The following KCNQ1 variants were observed in gnomAD, a reference collection of about 807,000 sequenced individuals.
KCNQ1 encodes the protein potassium voltage-gated channel subfamily Q member 1.
Under a neutral mutation model 72.4 loss-of-function variants are expected in KCNQ1, and 49 were observed. That is an observed-to-expected ratio of 0.68 (90% CI 0.54 to 0.86). The LOEUF (loss-of-function observed/expected upper bound fraction) is 0.86, where lower values mean the gene tolerates loss of function less well. Among genes scored for constraint, KCNQ1 ranks in the 40% least tolerant of loss-of-function variants. The pLI is 0.00. For missense variants in KCNQ1, 790 were observed against 945.1 expected (o/e 0.84, Z 2.15); for synonymous variants, 450 against 412.6 (o/e 1.09, Z -1.10).
In KCNQ1 at chr11:2,588,057, G is replaced by GGTGGGAGGGGAGCAGCAGGGGAGGGAGGT. The variant is rs1848619887; in HGVS notation, c.1251+367_1251+395dup. Among the ~76,000 whole-genome samples, 1 of 152,114 alleles carries GGTGGGAGGGGAGCAGCAGGGGAGGGAGGT rather than the reference G, an allele frequency of 6.6e-6. No individual in the cohort carries two copies. The highest frequency in any genetic ancestry group is 2.4e-5 in the African/African-American group (1 of 41,404). On this transcript the variant is annotated intron_variant, in intron 9 of 15. Coordinates refer to ENST00000155840, the MANE Select transcript of KCNQ1 (RefSeq NM_000218.3). This position sits in a 1 kb window ranked among gnomAD's most constrained non-coding sequence, Gnocchi z 5.6. ...GGGCAGGGGGCCGCGCGCAGTGGGTGGTGGGAGGGGAGCAGCAGGGGAGGG... is the reference window on the plus strand; with the variant it reads ...GGGCAGGGGGCCGCGCGCAGTGGGTGGTGGGAGGGGAGCAGCAGGGGAGGGAGGTGTGGGAGGGGAGCAGCAGGGGAGGG...
chr11:2,823,725 G>C (rs1847785479), intron 15 of KCNQ1, among the ~76,000 whole-genome samples: 1 of 152,232 alleles, frequency 6.6e-6, no homozygotes, highest in Non-Finnish European at 1.5e-5. Flanking sequence ...TGTTGTTAGA[G>C]AAGAGAGCAG....
intron 15 of KCNQ1, among the ~76,000 whole-genome samples, chr11:2,831,794 G>A (rs141307817): frequency 6.6e-6 from 1 of 151,034 alleles, no homozygotes; most frequent in East Asian, 2.0e-4. Context: ...GGAAGGCTAG[G>A]TACAGCGAGG....
intron 13 of KCNQ1, 31 bp downstream of exon 13, chr11:2,776,085 T>C (rs1198719619): frequency 6.5e-7 from 1 of 1,530,392 alleles, no homozygotes; most frequent in East Asian, 2.4e-5. Context: ...GCGGGGAGGG[T>C]GCCCAGGTCC....
In KCNQ1 at chr11:2,803,048, G is replaced by A. The variant is rs1307879596; in HGVS notation, c.1794+25011G>A. Among the ~76,000 whole-genome samples, 2 of 152,220 alleles carry A rather than the reference G, an allele frequency of 1.3e-5. No homozygotes were observed. The highest frequency in any genetic ancestry group is 2.9e-5 in the Non-Finnish European group (2 of 68,034). On this transcript the variant is annotated intron_variant, in intron 15 of 15. Transcript: ENST00000155840. This position sits in a 1 kb window ranked among gnomAD's most constrained non-coding sequence, Gnocchi z 6.4. ...CTCTCAGAGCAGGAGGTGACATGAA[G>A]GGAAGGTGGCAGGATGGGAGTGCCC...
At chr11:2,680,339 T>C (rs192927813) in intron 11 of KCNQ1, 17 of 398,368 alleles carry the variant, frequency 4.3e-5, no homozygotes, top group African/African-American at 2.9e-4. Flanking sequence ...AAAAAGTCTT[T>C]CCAGCCACAA....
At chr11:2,838,071 C>T (rs1203159027) in intron 15 of KCNQ1, among the ~76,000 whole-genome samples, 8 of 152,216 alleles carry the variant, frequency 5.3e-5, no homozygotes, top group African/African-American at 1.2e-4. Context: ...AGAAACGTCC[C>T]GTCCCAAATT....
chr11:2,458,675 G>GGATGGATA lies in KCNQ1; in HGVS notation c.386+13198_386+13199insAGATGGAT, dbSNP rs1554882304. Among the ~76,000 whole-genome samples the GGATGGATA allele has an allele frequency of 1.5e-4, 22 of 144,792 alleles. No individual in the cohort carries two copies. The highest frequency in any genetic ancestry group is 5.6e-4 in the African/African-American group (20 of 35,840). 95.0% of individuals were successfully genotyped at this position (144,792 alleles called of 152,430 possible). ...TGGATGGATGGATGGATGGATGGAT[G>GGATGGATA]GATGGATGGATCGATCGATCTCACC... On this transcript the variant is annotated intron_variant, in intron 1 of 15. Coordinates refer to ENST00000155840, the MANE Select transcript of KCNQ1 (RefSeq NM_000218.3). The surrounding 1 kb of genome is among the most constrained non-coding windows in gnomAD (Gnocchi z 4.6).
At chr11:2,684,898 A>T (rs1351273909) in intron 11 of KCNQ1, 1 of 398,566 alleles carries the variant, frequency 2.5e-6, no homozygotes, top group African/African-American at 2.1e-5. Flanking sequence ...TCACTACATC[A>T]TAAGGTAGGT....
At chr11:2,618,109 A>T (rs1043680861) in intron 10 of KCNQ1, 3 of 398,348 alleles carry the variant, frequency 7.5e-6, no homozygotes, top group Non-Finnish European at 1.3e-5. Context: ...TGCCAGAGCC[A>T]TGTCGAGCTT....
intron 10 of KCNQ1, among the ~76,000 whole-genome samples, chr11:2,596,033 G>A (rs1245270810): frequency 2.0e-5 from 3 of 152,192 alleles, no homozygotes; most frequent in Admixed American, 6.5e-5. Flanking sequence ...CTGATGTTGT[G>A]AAAACTGCAA....
Position 2,627,560 on chromosome 11 carries a change from T to G in KCNQ1, c.1394-34401T>G. The G allele has an allele frequency of 2.5e-6, 1 of 398,614 alleles. No homozygotes were observed. Among genetic ancestry groups the G allele is most frequent in the East Asian group, 3.6e-5 (1 of 28,072 alleles). The allele number at this position is 398,614 out of a possible 1,614,324, so 24.7% of individuals were successfully genotyped here. ...ACTGGGATAGTGCAGTATTTGTCTT[T>G]CTGTGTCTGGCTATTTCACTTAGCA... On this transcript the variant is annotated intron_variant, in intron 10 of 15. Coordinates refer to ENST00000155840, the MANE Select transcript of KCNQ1 (RefSeq NM_000218.3). The surrounding 1 kb of genome is among the most constrained non-coding windows in gnomAD (Gnocchi z 4.9).
intron 10 of KCNQ1, chr11:2,648,137 A>G: frequency 5.2e-6 from 1 of 191,956 alleles, no homozygotes; most frequent in South Asian, 2.2e-4. Flanking sequence ...CCCAGGAAGC[A>G]GAGGTTACAG....
intron 11 of KCNQ1, among the ~76,000 whole-genome samples, chr11:2,718,148 G>A (rs373708642): frequency 1.2e-4 from 18 of 152,226 alleles, no homozygotes; most frequent in South Asian, 4.2e-4. Context: ...CCCTGCCCTC[G>A]GGGGAGCTGA....
chr11:2,701,177 C>A (rs1184133933), intron 11 of KCNQ1, among the ~76,000 whole-genome samples: 1 of 152,180 alleles, frequency 6.6e-6, no homozygotes, highest in African/African-American at 2.4e-5. Flanking sequence ...TATACGTCTA[C>A]GGGAGAGCCA....
At chr11:2,722,680 C>T (rs567558517) in intron 11 of KCNQ1, among the ~76,000 whole-genome samples, 42 of 152,192 alleles carry the variant, frequency 2.8e-4, no homozygotes, top group East Asian at 2.5e-3. Context: ...TCCCTTCTCA[C>T]GTGGTTGGGA....
Position 2,682,916 on chromosome 11 carries a change from G to C in KCNQ1, c.1514+20835G>C, listed in dbSNP as rs1850422901. On this transcript the variant is annotated intron_variant, in intron 11 of 15. Coordinates refer to ENST00000155840, the MANE Select transcript of KCNQ1 (RefSeq NM_000218.3). This position sits in a 1 kb window ranked among gnomAD's most constrained non-coding sequence, Gnocchi z 5.8. ...CCCAGACAGAAAATGGTGGCACCTGGAGAGGTGCTCAGGTCTGTGTGGAAG... is the reference window on the plus strand; with the variant it reads ...CCCAGACAGAAAATGGTGGCACCTGCAGAGGTGCTCAGGTCTGTGTGGAAG... 7.0e-5 allele frequency: 28 copies of C among 398,662 alleles called. No homozygotes were observed. The East Asian group carries it at 1.0e-3, about 14-fold the overall frequency. The allele number at this position is 398,662 out of a possible 1,614,324, so 24.7% of individuals were successfully genotyped here.
At chr11:2,820,502 T>C (rs764809268) in intron 15 of KCNQ1, among the ~76,000 whole-genome samples, 2 of 152,228 alleles carry the variant, frequency 1.3e-5, no homozygotes, top group Non-Finnish European at 2.9e-5. Context: ...GAGTCTTTTC[T>C]GTTAATTGTG....
intron 10 of KCNQ1, chr11:2,628,324 C>T (rs908446708): frequency 7.5e-6 from 3 of 398,392 alleles, no homozygotes; most frequent in South Asian, 1.3e-4. Flanking sequence ...TTGATAATAG[C>T]GATTCTAACA....
rs1004659617 is a variant in KCNQ1, at chr11:2,830,373, A to G, written c.1795-17394A>G. On this transcript the variant is annotated intron_variant, in intron 15 of 15. Transcript: ENST00000155840. This position sits in a 1 kb window ranked among gnomAD's most constrained non-coding sequence, Gnocchi z 7.7. ...CAGGCATCCCAGAGCTATGACCTGAATGATATCTTAGATGATCTCCAAGGC... is the reference window on the plus strand; with the variant it reads ...CAGGCATCCCAGAGCTATGACCTGAGTGATATCTTAGATGATCTCCAAGGC... Among the ~76,000 whole-genome samples, 29 of 152,154 alleles carry G rather than the reference A, an allele frequency of 1.9e-4. No individual in the cohort carries two copies. Among genetic ancestry groups the G allele is most frequent in the African/African-American group, 6.7e-4 (28 of 41,526 alleles).
Sources: gnomAD v4.1 joint callset for allele counts (sites outside exome capture counted in the v4.1 genomes callset) on GRCh38, gnomAD v4.1.1 for gene constraint, Gnocchi (gnomAD v3.1) non-coding constraint, MANE v1.5 for transcripts, NCBI Gene and HGNC (gene_info 2026-07-23, HGNC 2026-07-21) for gene names.